Variants in EVI5 observed in about 807,000 individuals in gnomAD.
EVI5 encodes the protein ecotropic viral integration site 5 protein homolog.
EVI5 carries 73 observed loss-of-function variants against 112.0 expected under a neutral mutation model. That is an observed-to-expected ratio of 0.65 (90% CI 0.54 to 0.79). The LOEUF (loss-of-function observed/expected upper bound fraction) is 0.79, where lower values mean the gene tolerates loss of function less well. Among genes scored for constraint, EVI5 ranks in the 30% least tolerant of loss-of-function variants. The pLI is 0.00. For synonymous variants in EVI5, 305 were observed against 319.9 expected, an observed-to-expected ratio of 0.95 and a Z score of 0.50; for missense variants, 900 against 968.8, an observed-to-expected ratio of 0.93 and a Z score of 0.94.
intron 10 of EVI5, among the ~76,000 whole-genome samples, chr1:92,670,311 C>T (rs1400153088): frequency 6.6e-6 from 1 of 152,154 alleles, no homozygotes; most frequent in African/African-American, 2.4e-5. Context: ...TCACTATTTC[C>T]TATTCTTTCC....
chr1:92,741,232 A>G (rs369785261), intron 1 of EVI5, among the ~76,000 whole-genome samples: 2 of 152,262 alleles, frequency 1.3e-5, no homozygotes, highest in East Asian at 1.9e-4. Context: ...AGTCAAACAC[A>G]GGCAATCTGG....
In EVI5 at chr1:92,510,468, TCCA is replaced by T. The variant is rs1659122520; in HGVS notation, c.*3185_*3187del. On this transcript the variant is annotated 3_prime_UTR_variant, in exon 20 of 20. Transcript: ENST00000684568. ...CTTTTGAATAGTTCTGATTATAATA[TCCA>T]CCATGAAATTTTACGTTTCCAAATC... The T allele has an allele frequency of 6.6e-6, 1 of 152,228 alleles. No individual in the cohort carries two copies. Among genetic ancestry groups the T allele is most frequent in the South Asian group, 2.1e-4 (1 of 4,832 alleles). The allele number at this position is 152,228 out of a possible 1,614,324, so 9.4% of individuals were successfully genotyped here.
intron 19 of EVI5, among the ~76,000 whole-genome samples, chr1:92,560,510 C>T (rs1668355323): frequency 6.6e-6 from 1 of 151,992 alleles, no homozygotes; most frequent in South Asian, 2.1e-4. Context: ...AAACTTTTGA[C>T]TTGGACACGT....
intron 13 of EVI5, among the ~76,000 whole-genome samples, chr1:92,641,754 C>T (rs1368398668): frequency 6.6e-6 from 1 of 152,134 alleles, no homozygotes; most frequent in Non-Finnish European, 1.5e-5. Flanking sequence ...GTTTGTAATC[C>T]TCCCTACCAC....
intron 19 of EVI5, among the ~76,000 whole-genome samples, chr1:92,549,715 A>C (rs1458037551): frequency 6.6e-6 from 1 of 152,254 alleles, no homozygotes; most frequent in African/African-American, 2.4e-5. Context: ...TCTCAAAAGG[A>C]GACATTTATG....
intron 18 of EVI5, among the ~76,000 whole-genome samples, chr1:92,584,206 A>G (rs1672418221): frequency 1.3e-5 from 2 of 152,222 alleles, no homozygotes; most frequent in Non-Finnish European, 2.9e-5. Context: ...TAAAAAATCA[A>G]ACCTTTTTAG....
At chr1:92,693,715 T>C (rs1669855040) in intron 9 of EVI5, 87 bp downstream of exon 9, 4 of 724,018 alleles carry the variant, frequency 5.5e-6, no homozygotes, top group South Asian at 3.4e-5. Flanking sequence ...GAAAATAATA[T>C]AGTTCTATAA....
intron 14 of EVI5, among the ~76,000 whole-genome samples, chr1:92,632,359 G>A (rs541120789): frequency 6.6e-6 from 1 of 152,192 alleles, no homozygotes; most frequent in East Asian, 1.9e-4. Flanking sequence ...CAATTTCAGA[G>A]CCTGTTATTG....
At chr1:92,742,687 T>A (rs1422724986) in intron 1 of EVI5, among the ~76,000 whole-genome samples, 1 of 151,148 alleles carries the variant, frequency 6.6e-6, no homozygotes, top group Non-Finnish European at 1.5e-5. Context: ...AAAAAAAAAA[T>A]TAAATTAAAA....
chr1:92,635,498 C>T (rs1658596369), intron 14 of EVI5, among the ~76,000 whole-genome samples: 1 of 152,208 alleles, frequency 6.6e-6, no homozygotes, highest in African/African-American at 2.4e-5. Context: ...ACATAACCTC[C>T]TGGTGTGCTG....
At chr1:92,590,679 A>G (rs987759253) in intron 18 of EVI5, among the ~76,000 whole-genome samples, 3 of 152,318 alleles carry the variant, frequency 2.0e-5, no homozygotes, top group African/African-American at 7.2e-5. Context: ...ACCAAGGTGG[A>G]AAACACTCTG....
chr1:92,533,669 C>A (rs1217064714), intron 19 of EVI5, among the ~76,000 whole-genome samples: 1 of 152,126 alleles, frequency 6.6e-6, no homozygotes, highest in African/African-American at 2.4e-5. Context: ...CAAGCAGAAC[C>A]AATGACAAAA....
intron 18 of EVI5, among the ~76,000 whole-genome samples, chr1:92,595,431 T>G (rs1053593871): frequency 6.6e-5 from 10 of 151,396 alleles, no homozygotes; most frequent in African/African-American, 2.4e-4. Context: ...GGGGGGAGGT[T>G]GGAGGGATAG....
Position 92,703,437 on chromosome 1 carries a change from T to C in EVI5, c.522A>G (p.Glu174=), listed in dbSNP as rs200164394. ...AAACCTCCTGTCCAAGGCTATCTTT[T>C]TCCTTAAAAAAGTTGTGTTCAGGGT... is the stretch of plus-strand genomic sequence containing the variant. ...RTYPEHNFFK[E]KDSLGQEVLF... is the part of the protein sequence containing the mutation. Residue 174 remains glutamate (E), a synonymous_variant, in exon 4 of 20, where the codon GAA becomes GAG. Transcript: ENST00000684568. The C allele has an allele frequency of 8.2e-6, 13 of 1,586,394 alleles. No homozygotes were observed. The African/African-American group carries it at 1.4e-4, about 17-fold the overall frequency.
intron 19 of EVI5, among the ~76,000 whole-genome samples, chr1:92,530,170 C>A (rs6696173): frequency 0.85 from 129,568 of 152,104 alleles, 55,566 homozygotes; most frequent in East Asian, 0.97. Context: ...CTATACTGAA[C>A]AGACGGTAGG....
chr1:92,700,116 A>G (rs1261278190), intron 5 of EVI5, among the ~76,000 whole-genome samples: 1 of 152,204 alleles, frequency 6.6e-6, no homozygotes, highest in Non-Finnish European at 1.5e-5. Flanking sequence ...GCATACACCA[A>G]GTTGTTTTAT....
chr1:92,562,256 GCAGTGGCTCATGC>G (rs925467325), intron 19 of EVI5, among the ~76,000 whole-genome samples: 3 of 152,116 alleles, frequency 2.0e-5, no homozygotes, highest in African/African-American at 7.2e-5. Context: ...TAGGCCAGGT[GCAGTGGCTCATGC>G]CTGTAATCCC....
chr1:92,675,009 C>A (rs1162807858), intron 10 of EVI5, among the ~76,000 whole-genome samples: 2 of 152,202 alleles, frequency 1.3e-5, no homozygotes, highest in African/African-American at 4.8e-5. Flanking sequence ...TTTCTTCAGG[C>A]ATATGAACTA....
At chr1:92,625,734 C>T (rs771569006) in intron 15 of EVI5, 60 bp downstream of exon 15, 1 of 1,499,450 alleles carries the variant, frequency 6.7e-7, no homozygotes, top group Admixed American at 1.7e-5. Context: ...CAAACTCTTA[C>T]AAATTGGATA....
Sources: gnomAD v4.1 joint callset for allele counts (sites outside exome capture counted in the v4.1 genomes callset) on GRCh38, gnomAD v4.1.1 for gene constraint, MANE v1.5 for transcripts, NCBI Gene and HGNC (gene_info 2026-07-23, HGNC 2026-07-21) for gene names.